The following PTPRG variants were observed in gnomAD, a reference collection of about 807,000 sequenced individuals.
The protein encoded by PTPRG is receptor-type tyrosine-protein phosphatase gamma.
In PTPRG, 102 loss-of-function variants were observed where a neutral mutation model predicts 165.3. That is an observed-to-expected ratio of 0.62 (90% CI 0.53 to 0.73). The LOEUF (loss-of-function observed/expected upper bound fraction) is 0.73, where lower values mean the gene tolerates loss of function less well. Among genes scored for constraint, PTPRG ranks in the 30% least tolerant of loss-of-function variants. The pLI is 0.00. For missense variants in PTPRG, 1,866 were observed against 1,861.4 expected (o/e 1.00, Z -0.05); for synonymous variants, 675 against 669.5 (o/e 1.01, Z -0.13).
rs763525495 is a variant in PTPRG, at chr3:62,281,678, T to C, written c.3881T>C (p.Ile1294Thr). 6.2e-7 allele frequency: 1 copy of C among 1,611,814 alleles called. No homozygotes were observed. Among genetic ancestry groups the C allele is most frequent in the Non-Finnish European group, 8.5e-7 (1 of 1,178,746 alleles). Residue 1294 changes from isoleucine (I) to threonine (T), a missense_variant, in exon 27 of 30, where the codon ATC becomes ACC. Ile to Thr is a moderately conservative substitution (Grantham distance 89, BLOSUM62 -1). This residue lies in a region of PTPRG where 1,452 missense variants were observed against 1,463.0 expected (regional missense o/e 0.99). Transcript: ENST00000474889. Reference protein sequence around the residue: ...RLCLSNEEQIIIHDFILEATQ... With the variant: ...RLCLSNEEQITIHDFILEATQ... ...TGCCTCTCTAATGAAGAACAAATTA[T>C]CATCCATGACTTTATCCTTGAAGCT...
intron 6 of PTPRG, among the ~76,000 whole-genome samples, chr3:62,152,845 C>T (rs1576069610): frequency 6.6e-6 from 1 of 152,148 alleles, no homozygotes; most frequent in South Asian, 2.1e-4. Context: ...TCCCACTTCC[C>T]ACCCCCAACA....
At chr3:62,287,006 T>TG (rs1702688592) in intron 28 of PTPRG, among the ~76,000 whole-genome samples, 1 of 152,194 alleles carries the variant, frequency 6.6e-6, no homozygotes, top group Non-Finnish European at 1.5e-5. Flanking sequence ...TAAGCCATAT[T>TG]GTATAAATAC....
intron 2 of PTPRG, among the ~76,000 whole-genome samples, chr3:61,899,066 G>A (rs1180409148): frequency 1.3e-5 from 2 of 152,116 alleles, no homozygotes; most frequent in African/African-American, 2.4e-5. Flanking sequence ...ATTCCACCAT[G>A]CCTGGCTGAT....
intron 1 of PTPRG, among the ~76,000 whole-genome samples, chr3:61,729,043 CAG>C (rs1184566967): frequency 2.0e-5 from 3 of 150,398 alleles, no homozygotes; most frequent in African/African-American, 7.3e-5. Flanking sequence ...GTCTGGGCGG[CAG>C]AGAGAGACCC....
At position 62,295,000 on chromosome 3, in the gene PTPRG, T is replaced by C. The variant is rs1703015213; in HGVS notation, c.*1693T>C. The C allele has an allele frequency of 6.6e-6, 1 of 152,010 alleles. No individual in the cohort carries two copies. Among genetic ancestry groups the C allele is most frequent in the Non-Finnish European group, 1.5e-5 (1 of 67,978 alleles). 9.4% of individuals were successfully genotyped at this position (152,010 alleles called of 1,614,324 possible). A position where few individuals can be genotyped will look rare whatever the true frequency, so the allele number is the denominator to read the frequency against. On this transcript the variant is annotated 3_prime_UTR_variant, in exon 30 of 30. Coordinates refer to ENST00000474889, the MANE Select transcript of PTPRG (RefSeq NM_002841.4). ...GAAGCTATGGGCCAAGTTAAAGAAT[T>C]TGAATGCAAAGGCCAGGTCAATGGA...
intron 2 of PTPRG, among the ~76,000 whole-genome samples, chr3:61,810,229 A>G (rs2035534785): frequency 6.6e-6 from 1 of 152,228 alleles, no homozygotes; most frequent in Non-Finnish European, 1.5e-5. Context: ...AGAGGTTTGT[A>G]TGAAAGCTGG....
intron 1 of PTPRG, among the ~76,000 whole-genome samples, chr3:61,589,908 C>T (rs1472700285): frequency 6.6e-6 from 1 of 152,132 alleles, no homozygotes; most frequent in African/African-American, 2.4e-5. Context: ...TTATAGAAAA[C>T]AGCCACTCAC....
At chr3:62,028,997 T>G (rs954038699) in intron 4 of PTPRG, among the ~76,000 whole-genome samples, 5 of 152,212 alleles carry the variant, frequency 3.3e-5, no homozygotes, top group Non-Finnish European at 5.9e-5. Flanking sequence ...TGGTCATTAC[T>G]TGGTCCAGTC....
chr3:61,607,580 T>G (rs1250030183), intron 1 of PTPRG, among the ~76,000 whole-genome samples: 1 of 152,106 alleles, frequency 6.6e-6, no homozygotes, highest in African/African-American at 2.4e-5. Context: ...TTGGTAGTGG[T>G]AGAGGGAAGG....
chr3:61,754,837 TG>T (rs964608745), intron 2 of PTPRG, among the ~76,000 whole-genome samples: 8 of 152,208 alleles, frequency 5.3e-5, no homozygotes, highest in African/African-American at 1.7e-4. Flanking sequence ...ATTCAGCTTT[TG>T]TCATTAGAAG....
At chr3:62,081,272 ACAAAC>A (rs1701568659) in intron 5 of PTPRG, among the ~76,000 whole-genome samples, 1 of 121,490 alleles carries the variant, frequency 8.2e-6, no homozygotes, top group African/African-American at 2.8e-5. Flanking sequence ...AAACAAACAA[ACAAAC>A]AAACAAACAA....
intron 2 of PTPRG, among the ~76,000 whole-genome samples, chr3:61,757,403 T>C (rs1317542129): frequency 2.0e-5 from 3 of 152,134 alleles, no homozygotes; most frequent in South Asian, 4.1e-4. Flanking sequence ...GCAGTTTTCT[T>C]TGTAACAATT....
In PTPRG at chr3:61,836,186, A is replaced by C. The variant is rs139860729; in HGVS notation, c.190+87204A>C. 1.3e-3 allele frequency among the ~76,000 whole-genome samples: 192 copies of C among 152,028 alleles called. 1 individual carries two copies. Among genetic ancestry groups the C allele is most frequent in the African/African-American group, 4.3e-3 (179 of 41,464 alleles). Reference sequence around the variant, plus strand: ...CAGCTATGTGTAGGAATCACTGGTAAGTCTTTACCTTCCTTGTCTCTTCTC... The same window carrying C: ...CAGCTATGTGTAGGAATCACTGGTACGTCTTTACCTTCCTTGTCTCTTCTC... On this transcript the variant is annotated intron_variant, in intron 2 of 29. Coordinates refer to ENST00000474889, the MANE Select transcript of PTPRG (RefSeq NM_002841.4).
At chr3:61,785,671 C>T (rs947505149) in intron 2 of PTPRG, among the ~76,000 whole-genome samples, 18 of 152,100 alleles carry the variant, frequency 1.2e-4, no homozygotes, top group Non-Finnish European at 5.9e-5. Flanking sequence ...TATTCTGTGT[C>T]GAATTGAAAG....
At chr3:61,671,076 T>C (rs917189479) in intron 1 of PTPRG, among the ~76,000 whole-genome samples, 6 of 151,680 alleles carry the variant, frequency 4.0e-5, no homozygotes, top group African/African-American at 1.2e-4. Flanking sequence ...ATCTTCGGCA[T>C]CTCTCGGGGA....
chr3:61,844,634 A>C (rs186282588), intron 2 of PTPRG, among the ~76,000 whole-genome samples: 117 of 150,190 alleles, frequency 7.8e-4, no homozygotes, highest in African/African-American at 2.8e-3. Flanking sequence ...TGATGGGACT[A>C]TAGGTGTACG....
chr3:61,922,294 G>A (rs574795121), intron 2 of PTPRG, among the ~76,000 whole-genome samples: 3 of 152,344 alleles, frequency 2.0e-5, no homozygotes, highest in Non-Finnish European at 2.9e-5. Context: ...TAGAAAGGTC[G>A]TTTAGTCATT....
At chr3:61,720,246 C>G (rs1367868822) in intron 1 of PTPRG, among the ~76,000 whole-genome samples, 1 of 152,032 alleles carries the variant, frequency 6.6e-6, no homozygotes, top group Non-Finnish European at 1.5e-5. Flanking sequence ...GCCTCAGCCT[C>G]CCGAGTAGCT....
At chr3:62,058,934 C>T (rs9311835) in intron 4 of PTPRG, among the ~76,000 whole-genome samples, 118,832 of 152,024 alleles carry the variant, frequency 0.78, 47,319 homozygotes, top group South Asian at 0.92. Flanking sequence ...GAGCAATTGT[C>T]ACACCAGAAG....
Sources: gnomAD v4.1 joint callset for allele counts (sites outside exome capture counted in the v4.1 genomes callset) on GRCh38, gnomAD v4.1.1 for gene constraint, gnomAD v4.1.1 regional missense constraint, MANE v1.5 for transcripts, NCBI Gene and HGNC (gene_info 2026-07-23, HGNC 2026-07-21) for gene names.